Variants in KCNIP4 observed in about 807,000 individuals in gnomAD.
KCNIP4 encodes the protein Kv channel-interacting protein 4.
KCNIP4 carries 12 observed loss-of-function variants against 34.0 expected under a neutral mutation model. The ratio of observed to expected loss-of-function variants is 0.35; its 90% CI spans 0.23 to 0.57. The LOEUF is 0.57. Ranked by LOEUF, KCNIP4 falls within the 20% of genes least tolerant of loss-of-function variation. The probability of loss-of-function intolerance (pLI) is 0.83; values close to 1 mark genes in which losing one functional copy is unlikely to be tolerated. For synonymous variants in KCNIP4, 124 were observed against 102.2 expected, an observed-to-expected ratio of 1.21 and a Z score of -1.29; for missense variants, 238 against 311.7, an observed-to-expected ratio of 0.76 and a Z score of 1.78.
chr4:21,782,066 C>CA (rs1719608671), intron 1 of KCNIP4, among the ~76,000 whole-genome samples: 1 of 151,650 alleles, frequency 6.6e-6, no homozygotes, highest in Non-Finnish European at 1.5e-5. Context: ...AATAAAAAAG[C>CA]AAAATTATAA....
At chr4:20,836,399 A>G (rs1419956497) in intron 3 of KCNIP4, among the ~76,000 whole-genome samples, 1 of 152,198 alleles carries the variant, frequency 6.6e-6, no homozygotes, top group Admixed American at 6.5e-5. Flanking sequence ...TCAACTTCAG[A>G]AAGGCCTGCT....
chr4:20,751,261 A>T (rs2149342744), intron 4 of KCNIP4, among the ~76,000 whole-genome samples: 1 of 152,330 alleles, frequency 6.6e-6, no homozygotes, highest in East Asian at 1.9e-4. Context: ...GGGTCTAAAT[A>T]ACATGTAACA....
chr4:21,681,173 C>A (rs539127495), intron 1 of KCNIP4, among the ~76,000 whole-genome samples: 1 of 152,256 alleles, frequency 6.6e-6, no homozygotes, highest in African/African-American at 2.4e-5. Context: ...CTCCCTAGCT[C>A]ATGCAACCCT....
chr4:21,890,846 G>A (rs1051478853), intron 1 of KCNIP4, among the ~76,000 whole-genome samples: 1 of 152,096 alleles, frequency 6.6e-6, no homozygotes, highest in Non-Finnish European at 1.5e-5. Context: ...AGAAGCTGAA[G>A]AAGAAACCCA....
chr4:21,136,472 G>A (rs186546520), intron 1 of KCNIP4, among the ~76,000 whole-genome samples: 32 of 152,134 alleles, frequency 2.1e-4, no homozygotes, highest in Non-Finnish European at 4.1e-4. Flanking sequence ...TAGGCATTGG[G>A]TTTTCACTGG....
At chr4:21,486,177 C>T (rs955079848) in intron 1 of KCNIP4, among the ~76,000 whole-genome samples, 1 of 152,264 alleles carries the variant, frequency 6.6e-6, no homozygotes, top group East Asian at 1.9e-4. Flanking sequence ...TTGATTATTA[C>T]AAAGAATCTT....
At chr4:20,966,897 C>T (rs948374978) in intron 1 of KCNIP4, among the ~76,000 whole-genome samples, 1 of 152,102 alleles carries the variant, frequency 6.6e-6, no homozygotes, top group Non-Finnish European at 1.5e-5. Flanking sequence ...GTCTCAGAAG[C>T]ACTCTGTGAA....
At chr4:21,337,606 T>C (rs1311508748) in intron 1 of KCNIP4, among the ~76,000 whole-genome samples, 1 of 152,168 alleles carries the variant, frequency 6.6e-6, no homozygotes, top group Non-Finnish European at 1.5e-5. Flanking sequence ...CCACATAAAA[T>C]TTTTAAAGTA....
intron 3 of KCNIP4, among the ~76,000 whole-genome samples, chr4:20,812,222 G>A (rs76977223): frequency 0.01 from 1,561 of 152,266 alleles, 32 homozygotes; most frequent in African/African-American, 0.036. Context: ...CTTTATAGGG[G>A]AGATTGGAAT....
At chr4:21,687,006 C>T (rs904387351) in intron 1 of KCNIP4, among the ~76,000 whole-genome samples, 8 of 148,844 alleles carry the variant, frequency 5.4e-5, no homozygotes, top group African/African-American at 2.0e-4. Flanking sequence ...ATGATGAGTT[C>T]ATGTCGTTTG....
At chr4:21,413,007 C>T (rs1298459505) in intron 1 of KCNIP4, among the ~76,000 whole-genome samples, 1 of 152,188 alleles carries the variant, frequency 6.6e-6, no homozygotes, top group Non-Finnish European at 1.5e-5. Context: ...GATATATCTC[C>T]TTGCCCCAGG....
At chr4:21,062,256 A>G (rs973991222) in intron 1 of KCNIP4, among the ~76,000 whole-genome samples, 1 of 152,166 alleles carries the variant, frequency 6.6e-6, no homozygotes, top group African/African-American at 2.4e-5. Flanking sequence ...CTCTCCTTCC[A>G]TTATACAGTG....
intron 1 of KCNIP4, among the ~76,000 whole-genome samples, chr4:21,400,434 G>T (rs948311508): frequency 7.3e-6 from 1 of 137,866 alleles, no homozygotes; most frequent in Non-Finnish European, 1.5e-5. Context: ...TCAAACACAC[G>T]TCCTCTTGCC....
intron 1 of KCNIP4, among the ~76,000 whole-genome samples, chr4:21,833,765 T>G (rs77723486): frequency 0.38 from 57,104 of 151,934 alleles, 11,855 homozygotes; most frequent in East Asian, 0.65. Flanking sequence ...AATTGATTTT[T>G]GTATAAGGTG....
intron 1 of KCNIP4, among the ~76,000 whole-genome samples, chr4:21,284,759 T>C (rs867514028): frequency 5.5e-4 from 82 of 150,282 alleles, no homozygotes; most frequent in Middle Eastern, 6.8e-3. Context: ...TGTGTGTGTG[T>C]GCGTGTGTGT....
At chr4:21,084,007 G>A (rs1746213377) in intron 1 of KCNIP4, among the ~76,000 whole-genome samples, 1 of 151,834 alleles carries the variant, frequency 6.6e-6, no homozygotes, top group Admixed American at 6.6e-5. Flanking sequence ...TGTCTCCCAA[G>A]ACAGCCTTCT....
chr4:21,281,522 T>C (rs184888303), intron 1 of KCNIP4, among the ~76,000 whole-genome samples: 2 of 152,304 alleles, frequency 1.3e-5, no homozygotes, highest in African/African-American at 4.8e-5. Context: ...GTGAAGATGG[T>C]AGAGAAACTT....
intron 1 of KCNIP4, among the ~76,000 whole-genome samples, chr4:21,940,165 G>T (rs943915794): frequency 6.6e-6 from 1 of 152,144 alleles, no homozygotes; most frequent in Non-Finnish European, 1.5e-5. Context: ...AAATAGCTTA[G>T]ATAATGTAAT....
chr4:21,260,726 T>C lies in KCNIP4; in HGVS notation c.62-378017A>G, dbSNP rs77214539. On this transcript the variant is annotated intron_variant, in intron 1 of 8. Coordinates refer to ENST00000382152, the MANE Select transcript of KCNIP4 (RefSeq NM_025221.6). The stretch of plus-strand genomic sequence containing the variant: ...TCAGAATCCTTCTCAGCACAGTGCT[T>C]CAGACATTCACTGATGATGTAGGTA... 6.9e-3 allele frequency among the ~76,000 whole-genome samples: 1,056 copies of C among 152,290 alleles called. 45 individuals are homozygous for C. In the East Asian group the frequency reaches 0.15, roughly 21 times the overall value.
Sources: gnomAD v4.1 joint callset for allele counts (sites outside exome capture counted in the v4.1 genomes callset) on GRCh38, gnomAD v4.1.1 for gene constraint, MANE v1.5 for transcripts, NCBI Gene and HGNC (gene_info 2026-07-23, HGNC 2026-07-21) for gene names.